Variants in STAC observed in about 807,000 individuals in gnomAD.
STAC encodes the protein SH3 and cysteine rich domain.
Under a neutral mutation model 48.8 loss-of-function variants are expected in STAC, and 43 were observed. The observed-to-expected ratio is 0.88, with a 90% CI of 0.69 to 1.14. The LOEUF (loss-of-function observed/expected upper bound fraction) is 1.14, where lower values mean the gene tolerates loss of function less well. STAC is among the 50% of genes most tolerant of loss of function. The pLI, the probability that STAC is intolerant of heterozygous loss-of-function variation, is 0.00. For missense variants in STAC, 497 were observed against 504.0 expected (o/e 0.99, Z 0.13); for synonymous variants, 193 against 179.5 (o/e 1.07, Z -0.60).
At chr3:36,398,295 A>AAAGAAAG (rs1699894764) in intron 1 of STAC, among the ~76,000 whole-genome samples, 2 of 117,000 alleles carry the variant, frequency 1.7e-5, no homozygotes, top group African/African-American at 3.3e-5. Context: ...GGTATGTTAA[A>AAAGAAAG]AAAGAAAGAA....
At chr3:36,427,067 T>C (rs1017134760) in intron 1 of STAC, among the ~76,000 whole-genome samples, 1 of 152,230 alleles carries the variant, frequency 6.6e-6, no homozygotes, top group African/African-American at 2.4e-5. Flanking sequence ...TGAGAACCTG[T>C]GTTGGGAAAA....
In STAC at chr3:36,530,586, T is replaced by TC. The variant is rs138261072; in HGVS notation, c.1110+1601_1110+1602insC. On this transcript the variant is annotated intron_variant, in intron 10 of 10. Coordinates refer to ENST00000273183, the MANE Select transcript of STAC (RefSeq NM_003149.3). ...GAATAATAATTCACCTTTTCTTTTT[T>TC]TTTTTTCTTTTTTTTTTTTTTTTTT... 2.1e-3 allele frequency among the ~76,000 whole-genome samples: 306 copies of TC among 142,838 alleles called. 1 individual carries two copies. In the Middle Eastern group the frequency reaches 0.026, roughly 12 times the overall value. The allele number at this position is 142,838 out of a possible 152,430, so 93.7% of individuals were successfully genotyped here.
intron 3 of STAC, among the ~76,000 whole-genome samples, chr3:36,484,674 A>T (rs138424850): frequency 6.4e-4 from 97 of 152,312 alleles, no homozygotes; most frequent in South Asian, 4.1e-3. Context: ...TCCAGGAGGC[A>T]ATGAGGATCT....
At chr3:36,491,134 T>C (rs1211056207) in intron 5 of STAC, among the ~76,000 whole-genome samples, 1 of 152,252 alleles carries the variant, frequency 6.6e-6, no homozygotes, top group Non-Finnish European at 1.5e-5. Flanking sequence ...TCAGTAATAA[T>C]GAACTTCAGC....
chr3:36,416,631 C>T (rs1031030302), intron 1 of STAC, among the ~76,000 whole-genome samples: 1 of 152,122 alleles, frequency 6.6e-6, no homozygotes. Context: ...TGAAAGATTG[C>T]TTATTCTTGC....
chr3:36,462,158 TAGG>T (rs1188630054), intron 2 of STAC, among the ~76,000 whole-genome samples: 2 of 152,002 alleles, frequency 1.3e-5, no homozygotes, highest in Non-Finnish European at 2.9e-5. Flanking sequence ...ATGGGAAAAA[TAGG>T]AGATGGGGAT....
chr3:36,397,931 G>T (rs968184277), intron 1 of STAC, among the ~76,000 whole-genome samples: 1 of 151,842 alleles, frequency 6.6e-6, no homozygotes, highest in South Asian at 2.1e-4. Context: ...AAAAACCTAA[G>T]CTCAATTTGT....
intron 1 of STAC, among the ~76,000 whole-genome samples, chr3:36,407,437 G>C (rs572551532): frequency 2.0e-5 from 3 of 152,264 alleles, no homozygotes; most frequent in Admixed American, 1.3e-4. Context: ...AATGAGAAGT[G>C]CCAAAATTTA....
chr3:36,515,665 A>G (rs542899532), intron 8 of STAC, among the ~76,000 whole-genome samples: 1 of 149,976 alleles, frequency 6.7e-6, no homozygotes, highest in African/African-American at 2.4e-5. Context: ...TACATAAGAT[A>G]TGAATAAACA....
intron 1 of STAC, 89 bp downstream of exon 1, chr3:36,380,843 C>A: frequency 9.6e-7 from 1 of 1,045,076 alleles, no homozygotes; most frequent in Non-Finnish European, 1.4e-6. Context: ...CTAGCACGGG[C>A]GTGGGGGTCT....
intron 8 of STAC, among the ~76,000 whole-genome samples, chr3:36,523,282 C>T (rs934651203): frequency 6.6e-6 from 1 of 152,222 alleles, no homozygotes; most frequent in Non-Finnish European, 1.5e-5. Context: ...GCAAATCTTC[C>T]TCTGGGCCTA....
intron 2 of STAC, among the ~76,000 whole-genome samples, chr3:36,445,975 T>C (rs558481221): frequency 2.6e-5 from 4 of 152,336 alleles, no homozygotes; most frequent in Admixed American, 1.3e-4. Context: ...GCCTTGAAGA[T>C]GGAAAGGCCA....
intron 1 of STAC, among the ~76,000 whole-genome samples, chr3:36,414,440 G>C (rs1034899565): frequency 6.6e-6 from 1 of 151,998 alleles, no homozygotes; most frequent in Admixed American, 6.6e-5. Context: ...TTCCATCACT[G>C]ATACCCTTTC....
At chr3:36,523,681 A>G (rs1005476560) in intron 8 of STAC, among the ~76,000 whole-genome samples, 61 of 152,230 alleles carry the variant, frequency 4.0e-4, no homozygotes, top group African/African-American at 1.4e-3. Flanking sequence ...TATTCCATGG[A>G]AAGGGCCTGA....
chr3:36,452,724 C>T (rs1696718188), intron 2 of STAC, among the ~76,000 whole-genome samples: 1 of 152,156 alleles, frequency 6.6e-6, no homozygotes, highest in Admixed American at 6.5e-5. Context: ...TGTGAGGGGC[C>T]CTATACTGAT....
Position 36,541,868 on chromosome 3 carries a change from G to A in STAC, c.1111-4323G>A, listed in dbSNP as rs115618758. 2.4e-3 allele frequency among the ~76,000 whole-genome samples: 359 copies of A among 152,262 alleles called. 1 individual carries two copies. Among genetic ancestry groups the A allele is most frequent in the African/African-American group, 7.9e-3 (330 of 41,554 alleles). On this transcript the variant is annotated intron_variant, in intron 10 of 10. Transcript: ENST00000273183. Reference sequence around the variant, plus strand: ...TATGCTGCACTTACCTTGGTGTTGGGACATCCAGCTTACCACTGCTGCATA... The same window carrying A: ...TATGCTGCACTTACCTTGGTGTTGGAACATCCAGCTTACCACTGCTGCATA...
chr3:36,441,685 T>C (rs2125664184), intron 1 of STAC, among the ~76,000 whole-genome samples: 1 of 152,330 alleles, frequency 6.6e-6, no homozygotes, highest in Admixed American at 6.5e-5. Context: ...TTCTTCATAG[T>C]GGTTGCACTA....
At chr3:36,473,715 A>G (rs1237397975) in intron 2 of STAC, among the ~76,000 whole-genome samples, 1 of 152,214 alleles carries the variant, frequency 6.6e-6, no homozygotes, top group African/African-American at 2.4e-5. Flanking sequence ...GAACACCCAA[A>G]TATAATATAA....
chr3:36,532,991 T>C (rs1427831690), intron 10 of STAC, among the ~76,000 whole-genome samples: 1 of 152,210 alleles, frequency 6.6e-6, no homozygotes, highest in East Asian at 1.9e-4. Context: ...TCATAGAGGT[T>C]ATGTGTCTTG....
Sources: gnomAD v4.1 joint callset for allele counts (sites outside exome capture counted in the v4.1 genomes callset) on GRCh38, gnomAD v4.1.1 for gene constraint, MANE v1.5 for transcripts, NCBI Gene and HGNC (gene_info 2026-07-23, HGNC 2026-07-21) for gene names.